ALG14: variants seen among roughly 807,000 people sequenced by gnomAD.
ALG14 encodes UDP-N-acetylglucosamine transferase subunit ALG14.
In ALG14, 17 loss-of-function variants were observed where a neutral mutation model predicts 22.8. The ratio of observed to expected loss-of-function variants is 0.75; its 90% CI spans 0.51 to 1.12. ALG14 has a LOEUF of 1.12. Ranked by LOEUF, ALG14 falls within the 50% of genes most tolerant of loss-of-function variation. The pLI is 0.00. For synonymous variants in ALG14, 89 were observed against 103.7 expected (o/e 0.86, Z 0.86); for missense variants, 288 against 271.8 (o/e 1.06, Z -0.42).
chr1:95,046,287 G>C (rs571387679), intron 2 of ALG14, among the ~76,000 whole-genome samples: 12 of 152,290 alleles, frequency 7.9e-5, no homozygotes, highest in Admixed American at 5.9e-4. Flanking sequence ...CGGGCTGCAC[G>C]GCAGCAGGTG....
At position 95,059,579 on chromosome 1, in the gene ALG14, C is replaced by G. The variant is rs575596242; in HGVS notation, c.288+5287G>C. Among the ~76,000 whole-genome samples the G allele has an allele frequency of 9.2e-5, 14 of 151,758 alleles. No homozygotes were observed. The South Asian group carries it at 2.3e-3, about 25-fold the overall frequency. ...TCTATGTTAACTTTTGGGAGGGGCCCTTTGTTTTGAATCCGTTAATTATCT... is the reference window on the plus strand; with the variant it reads ...TCTATGTTAACTTTTGGGAGGGGCCGTTTGTTTTGAATCCGTTAATTATCT... On this transcript the variant is annotated intron_variant, in intron 2 of 3. Transcript: ENST00000370205.
At chr1:95,020,857 G>A (rs1293186688) in intron 3 of ALG14, among the ~76,000 whole-genome samples, 3 of 152,184 alleles carry the variant, frequency 2.0e-5, no homozygotes, top group Non-Finnish European at 2.9e-5. Context: ...GTAAAGGTGT[G>A]TGGTGGTTGC....
At chr1:95,061,980 A>C (rs1298503461) in intron 2 of ALG14, 6 of 150,134 alleles carry the variant, frequency 4.0e-5, no homozygotes, top group African/African-American at 1.5e-4. Flanking sequence ...GTTTCACTTA[A>C]AAAAAAAAAT....
At chr1:94,989,805 C>G (rs945706082) in intron 3 of ALG14, among the ~76,000 whole-genome samples, 1 of 152,194 alleles carries the variant, frequency 6.6e-6, no homozygotes, top group Admixed American at 6.5e-5. Flanking sequence ...TTCACTAAAT[C>G]CTTTTTCTGT....
intron 2 of ALG14, among the ~76,000 whole-genome samples, chr1:95,051,147 C>T (rs371298202): frequency 3.3e-5 from 5 of 152,228 alleles, no homozygotes; most frequent in South Asian, 2.1e-4. Context: ...ACTCATAGAT[C>T]CCATTGTATT....
chr1:95,061,363 T>C (rs369332750), intron 2 of ALG14, among the ~76,000 whole-genome samples: 7 of 152,198 alleles, frequency 4.6e-5, no homozygotes, highest in African/African-American at 9.7e-5. Flanking sequence ...AGCTGAATGA[T>C]AGCAAGCAGA....
chr1:94,989,351 T>C (rs1474417296), intron 3 of ALG14, among the ~76,000 whole-genome samples: 2 of 152,244 alleles, frequency 1.3e-5, no homozygotes, highest in East Asian at 1.9e-4. Context: ...TGTGGTCTTT[T>C]TTTTTCTTTG....
At chr1:95,004,483 A>G (rs1027166748) in intron 3 of ALG14, among the ~76,000 whole-genome samples, 1 of 151,676 alleles carries the variant, frequency 6.6e-6, no homozygotes, top group Non-Finnish European at 1.5e-5. Context: ...TGGTCTCCCA[A>G]AATGCTGGGA....
chr1:95,021,700 C>CA (rs1248478864), intron 3 of ALG14, among the ~76,000 whole-genome samples: 2 of 152,188 alleles, frequency 1.3e-5, no homozygotes, highest in Non-Finnish European at 2.9e-5. Flanking sequence ...GGCTTCCCTT[C>CA]TCTTCACCCC....
chr1:95,035,906 T>C (rs1674176042), intron 2 of ALG14: 1 of 152,208 alleles, frequency 6.6e-6, no homozygotes, highest in South Asian at 2.1e-4. Flanking sequence ...AAAGTTAAAA[T>C]GGTAAAATTT....
chr1:94,990,868 A>T (rs1483274663), intron 3 of ALG14, among the ~76,000 whole-genome samples: 1 of 152,284 alleles, frequency 6.6e-6, no homozygotes, highest in African/African-American at 2.4e-5. Context: ...GAAGAACAGT[A>T]AACTTCGGTT....
chr1:95,065,984 TCA>T (rs1427198446), intron 1 of ALG14, among the ~76,000 whole-genome samples: 3 of 152,120 alleles, frequency 2.0e-5, no homozygotes, highest in Non-Finnish European at 4.4e-5. Context: ...AGGAGCCCTA[TCA>T]CACCCATTTC....
In ALG14 at chr1:94,980,653, A is replaced by T. The variant is rs1672477108; in HGVS notation, c.*2423T>A. ...CCCCTCTGCTAATGGGACCTTGAGG[A>T]CTCAAATTAGCCATAACAGTAACAC... On this transcript the variant is annotated 3_prime_UTR_variant, in exon 4 of 4. Transcript: ENST00000370205. 2 of 152,104 alleles carry T rather than the reference A, an allele frequency of 1.3e-5. No homozygotes were observed. Among genetic ancestry groups the T allele is most frequent in the South Asian group, 4.2e-4 (2 of 4,818 alleles). The allele number at this position is 152,104 out of a possible 1,614,324, so 9.4% of individuals were successfully genotyped here. A position where few individuals can be genotyped will look rare whatever the true frequency, so the allele number is the denominator to read the frequency against.
chr1:95,025,972 G>A (rs1007568633), intron 3 of ALG14, among the ~76,000 whole-genome samples: 18 of 151,740 alleles, frequency 1.2e-4, no homozygotes, highest in African/African-American at 3.6e-4. Flanking sequence ...TCGCTCTGTC[G>A]CCCAGGCTGG....
At chr1:95,001,147 C>T (rs1224391211) in intron 3 of ALG14, among the ~76,000 whole-genome samples, 1 of 152,114 alleles carries the variant, frequency 6.6e-6, no homozygotes, top group Non-Finnish European at 1.5e-5. Context: ...ATTTCCAAGC[C>T]CCAGGTGGGA....
At chr1:94,986,841 G>A (rs924105387) in intron 3 of ALG14, among the ~76,000 whole-genome samples, 2 of 146,462 alleles carry the variant, frequency 1.4e-5, no homozygotes, top group South Asian at 2.1e-4. Flanking sequence ...TGTATCCTTC[G>A]CTCTCAATTT....
chr1:95,066,597 T>C (rs1022912168), intron 1 of ALG14, among the ~76,000 whole-genome samples: 2 of 152,182 alleles, frequency 1.3e-5, no homozygotes, highest in Non-Finnish European at 2.9e-5. Context: ...AGAAACAAAT[T>C]TGGCATAGAT....
Position 95,055,828 on chromosome 1 carries a change from TAAAAAAAAAAAAAAAAAAAA to T in ALG14, c.288+9018_288+9037del, listed in dbSNP as rs35131311. On this transcript the variant is annotated intron_variant, in intron 2 of 3. Transcript: ENST00000370205. ...TAACATGGTGAAATCCCGTCTCTAC[TAAAAAAAAAAAAAAAAAAAA>T]AAAAAAAAAAAATTAGCCAGGCGTG... is the stretch of plus-strand genomic sequence containing the variant. 1.8e-4 allele frequency among the ~76,000 whole-genome samples: 6 copies of T among 33,052 alleles called. No individual in the cohort carries two copies. The Admixed American group carries it at 2.1e-3, about 11-fold the overall frequency. The allele number at this position is 33,052 out of a possible 152,430, so 21.7% of individuals were successfully genotyped here.
At chr1:94,992,393 G>C (rs1296061185) in intron 3 of ALG14, among the ~76,000 whole-genome samples, 1 of 152,150 alleles carries the variant, frequency 6.6e-6, no homozygotes, top group East Asian at 1.9e-4. Context: ...AGAAGACAAA[G>C]ACTTTCCTGA....
Sources: allele counts gnomAD v4.1 joint callset (sites outside exome capture counted in the v4.1 genomes callset), GRCh38; gene constraint gnomAD v4.1.1; transcripts MANE v1.5; gene names NCBI Gene and HGNC (gene_info 2026-07-23, HGNC 2026-07-21).